The following GRM1 variants were observed in gnomAD, a reference collection of about 807,000 sequenced individuals.
The protein encoded by GRM1 is metabotropic glutamate receptor 1.
In GRM1, 33 loss-of-function variants were observed where a neutral mutation model predicts 90.9. That is an observed-to-expected ratio of 0.36 (90% CI 0.28 to 0.49). GRM1 has a LOEUF of 0.49. Among genes scored for constraint, GRM1 ranks in the 20% least tolerant of loss-of-function variants. The pLI is 0.99. For missense variants in GRM1, 1,190 were observed against 1,534.3 expected, an observed-to-expected ratio of 0.78 and a Z score of 3.75; for synonymous variants, 700 against 613.2, an observed-to-expected ratio of 1.14 and a Z score of -2.09.
chr6:146,301,002 A>G (rs1245768187), intron 2 of GRM1, among the ~76,000 whole-genome samples: 1 of 152,232 alleles, frequency 6.6e-6, no homozygotes, highest in Non-Finnish European at 1.5e-5. Context: ...TACAAAGATG[A>G]AACACTTTGA....
chr6:146,293,825 G>C (rs1393945796), intron 2 of GRM1, among the ~76,000 whole-genome samples: 1 of 151,258 alleles, frequency 6.6e-6, no homozygotes, highest in African/African-American at 2.4e-5. Flanking sequence ...TACTAATTAA[G>C]CTTTTCTAAG....
At chr6:146,406,219 T>G (rs1327175818) in intron 7 of GRM1, among the ~76,000 whole-genome samples, 1 of 152,172 alleles carries the variant, frequency 6.6e-6, no homozygotes, top group Non-Finnish European at 1.5e-5. Context: ...CTGACATTAA[T>G]GGAGAACTAT....
At chr6:146,095,386 A>T (rs1776843469) in intron 1 of GRM1, among the ~76,000 whole-genome samples, 1 of 152,140 alleles carries the variant, frequency 6.6e-6, no homozygotes. Flanking sequence ...TTAGTGAAGC[A>T]CATGGAAGCT....
chr6:146,071,109 T>G (rs907024316), intron 1 of GRM1, among the ~76,000 whole-genome samples: 4 of 152,212 alleles, frequency 2.6e-5, no homozygotes, highest in Admixed American at 6.6e-5. Context: ...TCTGCTTCTT[T>G]GCATCAAGTT....
At chr6:146,134,334 C>T (rs1776525398) in intron 1 of GRM1, among the ~76,000 whole-genome samples, 1 of 152,190 alleles carries the variant, frequency 6.6e-6, no homozygotes, top group Non-Finnish European at 1.5e-5. Flanking sequence ...TGGTACCTAA[C>T]ACATAGAGCT....
intron 1 of GRM1, among the ~76,000 whole-genome samples, chr6:146,085,440 A>G (rs1582981148): frequency 1.3e-5 from 2 of 152,232 alleles, no homozygotes; most frequent in East Asian, 3.9e-4. Context: ...CTTTCACATA[A>G]TTCTGATTCA....
intron 1 of GRM1, among the ~76,000 whole-genome samples, chr6:146,102,319 C>T (rs570151291): frequency 6.6e-6 from 1 of 152,176 alleles, no homozygotes; most frequent in African/African-American, 2.4e-5. Flanking sequence ...TAGCATGGTG[C>T]CTGTCTTGTA....
At chr6:146,373,791 G>T (rs1775992106) in intron 5 of GRM1, among the ~76,000 whole-genome samples, 1 of 152,054 alleles carries the variant, frequency 6.6e-6, no homozygotes, top group Admixed American at 6.6e-5. Flanking sequence ...CCAAATATAA[G>T]ATCATATCAT....
intron 1 of GRM1, among the ~76,000 whole-genome samples, chr6:146,043,782 G>GATATATACATATATATAT (rs1554260502): frequency 1.1e-5 from 1 of 89,984 alleles, no homozygotes; most frequent in African/African-American, 3.4e-5. Context: ...AGAGTCAGGT[G>GATATATACATATATATAT]ATATATATAT....
intron 1 of GRM1, among the ~76,000 whole-genome samples, chr6:146,116,508 A>G (rs1380813579): frequency 6.6e-6 from 1 of 152,162 alleles, no homozygotes; most frequent in Non-Finnish European, 1.5e-5. Context: ...CTTTACTCAT[A>G]TATTGTACTT....
chr6:146,171,990 C>T (rs1039501818), intron 2 of GRM1: 6 of 157,846 alleles, frequency 3.8e-5, no homozygotes, highest in African/African-American at 1.5e-4. Context: ...TGGGAAGCAT[C>T]TGTTGGTATA....
chr6:146,050,791 A>C (rs978016083), intron 1 of GRM1, among the ~76,000 whole-genome samples: 2 of 152,052 alleles, frequency 1.3e-5, no homozygotes, highest in Non-Finnish European at 2.9e-5. Context: ...GCATATGCCT[A>C]TGAGATTCCT....
intron 5 of GRM1, among the ~76,000 whole-genome samples, chr6:146,366,108 A>T (rs1775675999): frequency 6.6e-6 from 1 of 152,222 alleles, no homozygotes; most frequent in African/African-American, 2.4e-5. Flanking sequence ...AGTGCCTGAC[A>T]CATTGCATGT....
At chr6:146,390,739 A>G (rs936492123) in intron 6 of GRM1, among the ~76,000 whole-genome samples, 20 of 152,066 alleles carry the variant, frequency 1.3e-4, no homozygotes, top group Non-Finnish European at 2.6e-4. Flanking sequence ...GGTACTTTTT[A>G]AAAACTGGGA....
chr6:146,131,301 A>G (rs1776389009), intron 1 of GRM1, among the ~76,000 whole-genome samples: 1 of 151,986 alleles, frequency 6.6e-6, no homozygotes, highest in African/African-American at 2.4e-5. Flanking sequence ...CCCGTTTTGT[A>G]TAAAATTCTG....
chr6:146,028,158 G>C (rs1790560615), upstream of GRM1, among the ~76,000 whole-genome samples: 1 of 151,912 alleles, frequency 6.6e-6, no homozygotes, highest in South Asian at 2.1e-4. Flanking sequence ...GGTGGGTTTG[G>C]ATATATACCT....
chr6:146,075,748 C>T (rs935688996), intron 1 of GRM1, among the ~76,000 whole-genome samples: 1 of 152,062 alleles, frequency 6.6e-6, no homozygotes, highest in African/African-American at 2.4e-5. Context: ...CTTTTTTCTT[C>T]CCAGTTTCTG....
At chr6:146,316,998 C>T (rs1197069362) in intron 3 of GRM1, among the ~76,000 whole-genome samples, 1 of 152,298 alleles carries the variant, frequency 6.6e-6, no homozygotes, top group Admixed American at 6.5e-5. Flanking sequence ...AATAGCCATG[C>T]CTACAATTCT....
In GRM1 at chr6:146,122,504, TCTTA is replaced by T. The variant is rs529407489; in HGVS notation, c.701-36840_701-36837del. Among the ~76,000 whole-genome samples the T allele has an allele frequency of 3.5e-3, 539 of 152,236 alleles. 4 individuals carry two copies. Among genetic ancestry groups the T allele is most frequent in the Non-Finnish European group, 5.0e-3 (338 of 68,012 alleles). The stretch of plus-strand genomic sequence containing the variant: ...ATGAATTTCTTCATCATTTTCTGCT[TCTTA>T]CTTTTCTCTTGATAGGTGTCAGTTC... On this transcript the variant is annotated intron_variant, in intron 1 of 7. Transcript: ENST00000282753.
Sources: gnomAD v4.1 joint callset for allele counts (sites outside exome capture counted in the v4.1 genomes callset) on GRCh38, gnomAD v4.1.1 for gene constraint, MANE v1.5 for transcripts, NCBI Gene and HGNC (gene_info 2026-07-23, HGNC 2026-07-21) for gene names.